MACROD2: variants seen among roughly 807,000 people sequenced by gnomAD.
The protein encoded by MACROD2 is ADP-ribose glycohydrolase MACROD2.
Under a neutral mutation model 70.4 loss-of-function variants are expected in MACROD2, and 36 were observed. The ratio of observed to expected loss-of-function variants is 0.51; its 90% confidence interval spans 0.39 to 0.68. The LOEUF (loss-of-function observed/expected upper bound fraction) is 0.68. Ranked by LOEUF, MACROD2 falls within the 30% of genes least tolerant of loss-of-function variation. The pLI is 0.00. For missense variants in MACROD2, 496 were observed against 538.4 expected, an observed-to-expected ratio of 0.92 and a Z score of 0.78; for synonymous variants, 172 against 178.8, an observed-to-expected ratio of 0.96 and a Z score of 0.30.
intron 5 of MACROD2, among the ~76,000 whole-genome samples, chr20:14,911,309 A>G (rs2074024421): frequency 6.6e-6 from 1 of 152,138 alleles, no homozygotes; most frequent in Admixed American, 6.5e-5. Flanking sequence ...ACAAAAAGCT[A>G]TCTCCTTTGC....
intron 2 of MACROD2, among the ~76,000 whole-genome samples, chr20:14,056,177 G>C (rs1211827728): frequency 3.3e-5 from 5 of 151,758 alleles, no homozygotes; most frequent in Non-Finnish European, 7.4e-5. Flanking sequence ...TGTCTGTTTT[G>C]TTCAGTTTAA....
chr20:14,829,017 G>T (rs554677742), intron 5 of MACROD2, among the ~76,000 whole-genome samples: 10 of 146,764 alleles, frequency 6.8e-5, no homozygotes, highest in Non-Finnish European at 1.2e-4. Flanking sequence ...AGTTTGCTGT[G>T]CCTATCAAGC....
intron 6 of MACROD2, among the ~76,000 whole-genome samples, chr20:15,342,276 G>T (rs1024330890): frequency 6.6e-6 from 1 of 152,100 alleles, no homozygotes; most frequent in African/African-American, 2.4e-5. Flanking sequence ...ACTGACAAAT[G>T]GCCTCCAGAA....
intron 5 of MACROD2, among the ~76,000 whole-genome samples, chr20:14,907,462 C>A (rs766292947): frequency 1.3e-5 from 2 of 152,156 alleles, no homozygotes; most frequent in Non-Finnish European, 2.9e-5. Context: ...TGCACTGTGT[C>A]AGTAAGTGAT....
At chr20:15,493,192 C>T (rs550166317) in intron 7 of MACROD2, among the ~76,000 whole-genome samples, 1 of 152,262 alleles carries the variant, frequency 6.6e-6, no homozygotes, top group Non-Finnish European at 1.5e-5. Flanking sequence ...TGCCTTCTTA[C>T]AAACTGCAAG....
chr20:15,258,362 T>G (rs949337403), intron 6 of MACROD2, among the ~76,000 whole-genome samples: 2 of 152,102 alleles, frequency 1.3e-5, no homozygotes, highest in Non-Finnish European at 2.9e-5. Flanking sequence ...CAGCTTCTAG[T>G]CCTGAAAGCT....
intron 8 of MACROD2, among the ~76,000 whole-genome samples, chr20:15,782,716 G>GAAAAAAAAAAAAA (rs1886073279): frequency 1.1e-4 from 4 of 35,964 alleles, no homozygotes; most frequent in South Asian, 5.9e-4. Context: ...TAGAGAAATG[G>GAAAAAAAAAAAAA]CAAAAAAAAA....
intron 5 of MACROD2, among the ~76,000 whole-genome samples, chr20:14,812,154 A>G (rs2072721901): frequency 6.6e-6 from 1 of 152,092 alleles, no homozygotes; most frequent in Non-Finnish European, 1.5e-5. Context: ...ACTATTCACA[A>G]TTGCAAAGGC....
chr20:14,794,532 A>T (rs1328731149), intron 5 of MACROD2, among the ~76,000 whole-genome samples: 2 of 152,150 alleles, frequency 1.3e-5, no homozygotes, highest in African/African-American at 4.8e-5. Flanking sequence ...ATAAATTTAA[A>T]ATAAGAGATA....
intron 8 of MACROD2, among the ~76,000 whole-genome samples, chr20:15,727,077 C>G (rs529510576): frequency 2.0e-4 from 30 of 152,086 alleles, no homozygotes; most frequent in African/African-American, 7.2e-4. Flanking sequence ...AAGTCTTAAT[C>G]CATAATCCAT....
At chr20:14,849,950 C>G (rs6079581) in intron 5 of MACROD2, 178,238 of 511,130 alleles carry the variant, frequency 0.35, 33,732 homozygotes, top group Non-Finnish European at 0.41. Context: ...TTCTCCTACA[C>G]CTGAAGAGAT....
chr20:15,776,235 C>T (rs917745823), intron 8 of MACROD2, among the ~76,000 whole-genome samples: 2 of 152,128 alleles, frequency 1.3e-5, no homozygotes, highest in Admixed American at 1.3e-4. Context: ...TCATGTCTTA[C>T]CCACCATCCC....
chr20:15,144,900 A>G (rs534885356), intron 5 of MACROD2, among the ~76,000 whole-genome samples: 1 of 152,262 alleles, frequency 6.6e-6, no homozygotes, highest in South Asian at 2.1e-4. Flanking sequence ...ACTATATACT[A>G]TATACCATAC....
chr20:15,566,690 A>G (rs930879946), intron 8 of MACROD2, among the ~76,000 whole-genome samples: 5 of 152,200 alleles, frequency 3.3e-5, no homozygotes, highest in Non-Finnish European at 7.3e-5. Context: ...CCCTGTCATC[A>G]TTTCCATCTT....
intron 3 of MACROD2, among the ~76,000 whole-genome samples, chr20:14,340,124 G>T (rs1568567890): frequency 6.6e-6 from 1 of 152,184 alleles, no homozygotes; most frequent in African/African-American, 2.4e-5. Flanking sequence ...TTGATTGAAG[G>T]GGATGGAATG....
intron 5 of MACROD2, among the ~76,000 whole-genome samples, chr20:14,899,809 A>G (rs1408963443): frequency 6.6e-6 from 1 of 152,196 alleles, no homozygotes; most frequent in Non-Finnish European, 1.5e-5. Context: ...AACAAAAACA[A>G]TAACAACAAC....
chr20:14,553,497 G>A (rs1791694858), intron 4 of MACROD2, among the ~76,000 whole-genome samples: 1 of 148,890 alleles, frequency 6.7e-6, no homozygotes, highest in African/African-American at 2.5e-5. Context: ...CAGTAACATA[G>A]TCTTTCATTA....
At chr20:14,404,778 A>G (rs1468462484) in intron 3 of MACROD2, among the ~76,000 whole-genome samples, 1 of 152,146 alleles carries the variant, frequency 6.6e-6, no homozygotes, top group East Asian at 1.9e-4. Flanking sequence ...TAAAGTTAAT[A>G]TTATTTTAGG....
chr20:15,049,416 C>T (rs1011058829), intron 5 of MACROD2, among the ~76,000 whole-genome samples: 1 of 150,896 alleles, frequency 6.6e-6, no homozygotes, highest in Non-Finnish European at 1.5e-5. Context: ...CCACTGTTTT[C>T]AATAACAATT....
Sources: gnomAD v4.1 joint callset for allele counts (sites outside exome capture counted in the v4.1 genomes callset) on GRCh38, gnomAD v4.1.1 for gene constraint, MANE v1.5 for transcripts, NCBI Gene and HGNC (gene_info 2026-07-23, HGNC 2026-07-21) for gene names.